TACC1: variants seen among roughly 807,000 people sequenced by gnomAD.
The protein encoded by TACC1 is transforming acidic coiled-coil containing protein 1.
A neutral mutation model predicts 84.4 loss-of-function variants in TACC1; 48 were observed. The observed-to-expected ratio is 0.57, with a 90% CI of 0.45 to 0.72. TACC1 has a LOEUF of 0.72. Ranked by LOEUF, TACC1 falls within the 30% of genes least tolerant of loss-of-function variation. TACC1 has a pLI of 0.00. For missense variants in TACC1, 920 were observed against 973.0 expected, an observed-to-expected ratio of 0.95 and a Z score of 0.72; for synonymous variants, 372 against 376.3, an observed-to-expected ratio of 0.99 and a Z score of 0.13.
Position 38,849,308 on chromosome 8 carries a change from C to G in TACC1, c.*1285C>G, listed in dbSNP as rs903081920. 1.3e-5 allele frequency: 2 copies of G among 152,188 alleles called. No homozygotes were observed. Among genetic ancestry groups the G allele is most frequent in the African/African-American group, 4.8e-5 (2 of 41,450 alleles). The allele number at this position is 152,188 out of a possible 1,614,324, so 9.4% of individuals were successfully genotyped here. On this transcript the variant is annotated 3_prime_UTR_variant, in exon 13 of 13. Coordinates refer to ENST00000317827, the MANE Select transcript of TACC1 (RefSeq NM_006283.3). The stretch of plus-strand genomic sequence containing the variant: ...TCTGTACTAACAAAGCCAAATTCCT[C>G]AAGCTCTTACTGGACTCAGTTCAGA...
upstream of TACC1, among the ~76,000 whole-genome samples, chr8:38,782,514 A>G (rs1186230269): frequency 6.6e-6 from 1 of 152,238 alleles, no homozygotes; most frequent in Non-Finnish European, 1.5e-5. Context: ...AGCATGATTT[A>G]TAGTCCTTTA....
intron 1 of TACC1, among the ~76,000 whole-genome samples, chr8:38,737,739 T>C (rs1234855232): frequency 2.6e-5 from 4 of 151,906 alleles, no homozygotes; most frequent in Admixed American, 2.0e-4. Context: ...TCTTTTTTTT[T>C]TTTTTGAGAT....
intron 1 of TACC1, among the ~76,000 whole-genome samples, chr8:38,733,953 C>T (rs1347929526): frequency 3.9e-5 from 6 of 152,214 alleles, no homozygotes; most frequent in Admixed American, 3.3e-4. Context: ...CCTCCTTAGA[C>T]GTCCCTGCCT....
intron 2 of TACC1, among the ~76,000 whole-genome samples, chr8:38,743,541 T>C (rs944378348): frequency 3.9e-5 from 6 of 152,096 alleles, no homozygotes; most frequent in African/African-American, 1.2e-4. Flanking sequence ...TAGGGTGAAA[T>C]GATTGCTGGC....
intron 1 of TACC1, among the ~76,000 whole-genome samples, chr8:38,735,480 T>C (rs1050299345): frequency 1.3e-5 from 2 of 152,196 alleles, no homozygotes; most frequent in Non-Finnish European, 2.9e-5. Flanking sequence ...GGAGGGCACC[T>C]GCAGGTAGGT....
intron 2 of TACC1, among the ~76,000 whole-genome samples, chr8:38,803,546 G>A (rs1341485649): frequency 6.6e-6 from 1 of 152,144 alleles, no homozygotes; most frequent in African/African-American, 2.4e-5. Flanking sequence ...CTGTTCTGTT[G>A]ATTGTTGTGT....
chr8:38,827,207 A>G lies in TACC1; in HGVS notation c.1492A>G (p.Asn498Asp), dbSNP rs1383558563. The change falls in exon 5 of 13, where the codon AAT becomes GAT. Residue 498 changes from asparagine to aspartate, a missense_variant. Transcript: ENST00000317827. The part of the protein sequence containing the change: ...AVISQISDIS[N>D]RDGHATDEEK... The stretch of plus-strand genomic sequence containing the variant: ...GATCTCCCAGATTTCAGACATTTCT[A>G]ATAGGGATGGCCATGCTACTGATGA... 3.1e-6 allele frequency: 5 copies of G among 1,614,080 alleles called. No individual in the cohort carries two copies. The highest frequency in any genetic ancestry group is 4.2e-6 in the Non-Finnish European group (5 of 1,180,030).
intron 2 of TACC1, among the ~76,000 whole-genome samples, chr8:38,792,105 A>G (rs1042484616): frequency 5.3e-5 from 8 of 152,312 alleles, no homozygotes; most frequent in African/African-American, 1.9e-4. Flanking sequence ...CTAGCTAAAG[A>G]TATTTCCTGG....
chr8:38,755,102 G>A (rs1809744985), intron 3 of TACC1, among the ~76,000 whole-genome samples: 1 of 149,380 alleles, frequency 6.7e-6, no homozygotes, highest in Admixed American at 6.7e-5. Flanking sequence ...AGAGGTTGTG[G>A]TGAGACAAGA....
At position 38,851,591 on chromosome 8, in the gene TACC1, C is replaced by G. The variant is rs114901009; in HGVS notation, c.*3568C>G. ...TTCTGAAGCCCCCTTTTAACTTCCT[C>G]TTGGTTTTTCATTATAATTGGTAGC... On this transcript the variant is annotated 3_prime_UTR_variant, in exon 13 of 13. Coordinates refer to ENST00000317827, the MANE Select transcript of TACC1 (RefSeq NM_006283.3). 1.9e-3 allele frequency: 377 copies of G among 195,264 alleles called. 1 individual carries two copies. The highest frequency in any genetic ancestry group is 8.5e-3 in the African/African-American group (359 of 42,426). The allele number at this position is 195,264 out of a possible 1,614,324, so 12.1% of individuals were successfully genotyped here. A position where few individuals can be genotyped will look rare whatever the true frequency, so the allele number is the denominator to read the frequency against.
chr8:38,812,869 C>A (rs1824551386), intron 2 of TACC1, among the ~76,000 whole-genome samples: 1 of 152,176 alleles, frequency 6.6e-6, no homozygotes, highest in Non-Finnish European at 1.5e-5. Context: ...CTGTTACGTC[C>A]CCAGTGCCAA....
At chr8:38,823,357 C>T (rs1481495039) in intron 3 of TACC1, among the ~76,000 whole-genome samples, 1 of 152,178 alleles carries the variant, frequency 6.6e-6, no homozygotes, top group Admixed American at 6.5e-5. Context: ...CCTCTCTAGA[C>T]AGCACTTAGG....
chr8:38,838,388 C>A, intron 7 of TACC1, 82 bp from the exon 8 acceptor site: 1 of 926,094 alleles, frequency 1.1e-6, no homozygotes, highest in Non-Finnish European at 1.8e-6. Flanking sequence ...TTGGGTTAGA[C>A]CTGGTTGTGT....
rs1244237288 is a variant in TACC1, at chr8:38,848,763, T to C, written c.*740T>C. ...TATTTGCCATGACGTTTTGTTGCCCTGGTATTTGGACACTCCTCAGCTTTA... is the reference window on the plus strand; with the variant it reads ...TATTTGCCATGACGTTTTGTTGCCCCGGTATTTGGACACTCCTCAGCTTTA... On this transcript the variant is annotated 3_prime_UTR_variant, in exon 13 of 13. Coordinates refer to ENST00000317827, the MANE Select transcript of TACC1 (RefSeq NM_006283.3). The C allele has an allele frequency of 6.6e-6, 1 of 152,250 alleles. No individual in the cohort carries two copies. The highest frequency in any genetic ancestry group is 2.4e-5 in the African/African-American group (1 of 41,448). 9.4% of individuals were successfully genotyped at this position (152,250 alleles called of 1,614,324 possible).
chr8:38,809,073 A>G (rs1431507935), intron 2 of TACC1, among the ~76,000 whole-genome samples: 2 of 152,072 alleles, frequency 1.3e-5, no homozygotes, highest in African/African-American at 4.8e-5. Flanking sequence ...GAGTTCCTTC[A>G]GCCCTCTGCC....
intron 1 of TACC1, among the ~76,000 whole-genome samples, chr8:38,739,056 A>G (rs1038449239): frequency 6.6e-6 from 1 of 152,042 alleles, no homozygotes; most frequent in Non-Finnish European, 1.5e-5. Flanking sequence ...ATGCCCGGCT[A>G]ATTTTCGTAT....
At position 38,788,646 on chromosome 8, in the gene TACC1, C is replaced by A. The variant is rs1305587163; in HGVS notation, c.162-58C>A. 83 of 1,321,934 alleles carry A rather than the reference C, an allele frequency of 6.3e-5. No individual in the cohort carries two copies. The East Asian group carries it at 1.9e-3, about 30-fold the overall frequency. 81.9% of individuals were successfully genotyped at this position (1,321,934 alleles called of 1,614,324 possible). A position where few individuals can be genotyped will look rare whatever the true frequency, so the allele number is the denominator to read the frequency against. ...TTAGCCTCTGTGAATATGTAGATTT[C>A]AAAGGGTGTCGGAAATACCGTTGAA... On this transcript the variant is annotated intron_variant, in intron 1 of 12. Coordinates refer to ENST00000317827, the MANE Select transcript of TACC1 (RefSeq NM_006283.3).
Position 38,787,650 on chromosome 8 carries a change from G to A in TACC1, c.68G>A (p.Arg23His). ...GCGAAATGGACGTGGTCTGCGGTAC[G>A]CGGCGGGGCCGCCGGCGAGGACGAG... ...QWAKWTWSAV[R>H]GGAAGEDEAG... is the part of the protein sequence containing the mutation. The change falls in exon 1 of 13, where the codon CGC (arginine) becomes CAC (histidine). Residue 23 changes from arginine to histidine, a missense_variant. Around this residue, in one of 2 missense-constraint regions of TACC1, gnomAD observed 762 missense variants for 747.3 expected, o/e 1.02. Transcript: ENST00000317827. 1 of 1,550,198 alleles carries A rather than the reference G, an allele frequency of 6.5e-7. No individual in the cohort carries two copies. The highest frequency in any genetic ancestry group is 8.7e-7 in the Non-Finnish European group (1 of 1,148,278).
chr8:38,814,997 A>G (rs564076578), intron 2 of TACC1, among the ~76,000 whole-genome samples: 1 of 152,344 alleles, frequency 6.6e-6, no homozygotes, highest in South Asian at 2.1e-4. Context: ...CTTCCAGTAT[A>G]TCAGTTTGAT....
Sources: allele counts gnomAD v4.1 joint callset (sites outside exome capture counted in the v4.1 genomes callset), GRCh38; gene constraint gnomAD v4.1.1; regional missense constraint gnomAD v4.1.1; transcripts MANE v1.5; gene names NCBI Gene and HGNC (gene_info 2026-07-23, HGNC 2026-07-21).